Variants in CUL2 observed in about 807,000 individuals in gnomAD.
CUL2 encodes cullin 2.
CUL2 carries 22 observed loss-of-function variants against 110.2 expected under a neutral mutation model. That is an observed-to-expected ratio of 0.20 (90% CI 0.14 to 0.28). The LOEUF (loss-of-function observed/expected upper bound fraction) is 0.28, where lower values mean the gene tolerates loss of function less well. CUL2 is among the 10% of genes least tolerant of loss of function. The probability of loss-of-function intolerance (pLI) is 1.00; values close to 1 mark genes in which losing one functional copy is unlikely to be tolerated. For missense variants in CUL2, 631 were observed against 905.5 expected, an observed-to-expected ratio of 0.70 and a Z score of 3.89; for synonymous variants, 279 against 293.2, an observed-to-expected ratio of 0.95 and a Z score of 0.49.
At chr10:35,035,321 G>A (rs2085593230) in intron 9 of CUL2, 25 bp from the exon 10 acceptor site, 1 of 1,610,600 alleles carries the variant, frequency 6.2e-7, no homozygotes, top group African/African-American at 1.3e-5. Context: ...ACATCTGAGG[G>A]TTAACTCCCA....
At chr10:35,091,464 G>A (rs2087201924), upstream of CUL2, among the ~76,000 whole-genome samples, 2 of 152,082 alleles carry the variant, frequency 1.3e-5, no homozygotes, top group Admixed American at 1.3e-4. Flanking sequence ...CAATCCAACA[G>A]TATGTTTCCA....
intron 6 of CUL2, among the ~76,000 whole-genome samples, chr10:35,046,070 C>G (rs2085931160): frequency 6.6e-6 from 1 of 152,242 alleles, no homozygotes; most frequent in South Asian, 2.1e-4. Flanking sequence ...CTGAACCCCT[C>G]TAGTCCTCTT....
intron 17 of CUL2, among the ~76,000 whole-genome samples, chr10:35,018,268 C>CA (rs1554853380): frequency 1.0e-5 from 1 of 98,288 alleles, no homozygotes; most frequent in African/African-American, 4.2e-5. Flanking sequence ...GCCTGGGCAA[C>CA]AGAGCAAGAC....
intron 4 of CUL2, among the ~76,000 whole-genome samples, chr10:35,059,217 T>A (rs1020123601): frequency 1.3e-5 from 2 of 152,236 alleles, no homozygotes; most frequent in African/African-American, 4.8e-5. Flanking sequence ...GACTCCAATT[T>A]CGTAAGAATT....
intron 1 of CUL2, among the ~76,000 whole-genome samples, chr10:35,087,051 C>T (rs1230056895): frequency 6.6e-6 from 1 of 152,110 alleles, no homozygotes; most frequent in Non-Finnish European, 1.5e-5. Flanking sequence ...TCCCTACTGA[C>T]AATTTTATAT....
chr10:35,033,212 T>C lies in CUL2; in HGVS notation c.1064A>G (p.Asn355Ser), dbSNP rs773462627. 9.3e-6 allele frequency: 15 copies of C among 1,613,788 alleles called. No individual in the cohort carries two copies. The Middle Eastern group carries it at 5.0e-4, about 53-fold the overall frequency. Reference sequence around the variant, plus strand: ...ATGCTGATCACCATTCAAAACAGTGTTGATAAGCTGAACAAATTTACCATG... The same window carrying C: ...ATGCTGATCACCATTCAAAACAGTGCTGATAAGCTGAACAAATTTACCATG... ...EVHGKFVQLI[N>S]TVLNGDQHFM... The change falls in exon 11 of 21, where the codon AAC becomes AGC. Residue 355 changes from asparagine to serine, a missense_variant. Transcript: ENST00000374749.
chr10:35,125,306 G>A (rs957350855), intron 1 of CUL2, among the ~76,000 whole-genome samples: 2 of 152,202 alleles, frequency 1.3e-5, no homozygotes, highest in Non-Finnish European at 2.9e-5. Context: ...AATATGGTTT[G>A]TGCTTTCTGA....
intron 1 of CUL2, chr10:35,074,032 CTG>C (rs1339033411): frequency 1.4e-6 from 1 of 739,996 alleles, no homozygotes; most frequent in Admixed American, 2.0e-5. Context: ...CTCTAGGCTG[CTG>C]TGTGCAACCA....
At chr10:35,093,043 G>A (rs76042717), upstream of CUL2, among the ~76,000 whole-genome samples, 49 of 152,110 alleles carry the variant, frequency 3.2e-4, no homozygotes, top group African/African-American at 1.0e-3. Flanking sequence ...ACCTGGACTC[G>A]TGACTCATGA....
chr10:35,105,315 A>G (rs1288598007), intron 1 of CUL2, among the ~76,000 whole-genome samples: 2 of 147,144 alleles, frequency 1.4e-5, no homozygotes, highest in East Asian at 4.2e-4. Flanking sequence ...AGTCCCAGCT[A>G]CTCTGGAGGC....
chr10:35,049,062 TGACA>T (rs1464996248), intron 6 of CUL2, among the ~76,000 whole-genome samples: 1 of 152,208 alleles, frequency 6.6e-6, no homozygotes, highest in Non-Finnish European at 1.5e-5. Flanking sequence ...TTTGTGTGAC[TGACA>T]GAGTGCTTCT....
chr10:35,011,768 C>T, intron 20 of CUL2, 80 bp downstream of exon 20: 1 of 715,080 alleles, frequency 1.4e-6, no homozygotes, highest in South Asian at 1.9e-5. Context: ...TCTGTATCCT[C>T]TTTAAGAAGA....
At chr10:35,027,806 G>C (rs1258118809) in intron 16 of CUL2, among the ~76,000 whole-genome samples, 1 of 152,116 alleles carries the variant, frequency 6.6e-6, no homozygotes, top group Non-Finnish European at 1.5e-5. Flanking sequence ...GGAGAGAATA[G>C]TATTTTTGGA....
intron 2 of CUL2, among the ~76,000 whole-genome samples, chr10:35,069,918 C>T (rs754523246): frequency 6.6e-6 from 1 of 152,106 alleles, no homozygotes; most frequent in African/African-American, 2.4e-5. Context: ...GATTCTTGCC[C>T]CAAATCAATC....
intron 8 of CUL2, among the ~76,000 whole-genome samples, chr10:35,044,271 C>CT (rs747852318): frequency 6.6e-6 from 1 of 151,916 alleles, no homozygotes; most frequent in Non-Finnish European, 1.5e-5. Context: ...CCAGTATAAA[C>CT]TGATTATTCT....
chr10:35,019,402 A>G (rs544945281), intron 17 of CUL2, among the ~76,000 whole-genome samples: 1 of 152,220 alleles, frequency 6.6e-6, no homozygotes, highest in South Asian at 2.1e-4. Context: ...ACCAGGGATC[A>G]GGGGTACACT....
chr10:35,009,258 C>T lies in CUL2; in HGVS notation c.*1053G>A, dbSNP rs1442886848. 6.9e-6 allele frequency: 1 copy of T among 144,544 alleles called. No homozygotes were observed. Among genetic ancestry groups the T allele is most frequent in the East Asian group, 2.0e-4 (1 of 4,934 alleles). 9.0% of individuals were successfully genotyped at this position (144,544 alleles called of 1,614,324 possible). ...ATAATGGGATTTATATATGTGGCAC[C>T]CAGTACAATGTACAATTTTCTTTTT... On this transcript the variant is annotated 3_prime_UTR_variant, in exon 21 of 21. Transcript: ENST00000374749.
At chr10:35,016,038 C>CAAA (rs2085022930) in intron 18 of CUL2, among the ~76,000 whole-genome samples, 154 bp downstream of exon 18, 1 of 152,196 alleles carries the variant, frequency 6.6e-6, no homozygotes, top group South Asian at 2.1e-4. Context: ...GATGCCTTAA[C>CAAA]GCTCGCAGCT....
rs35508150 is a variant in CUL2 at position 35,027,143 on chromosome 10, C to CT, written c.1617+1666dup. ...ACATTAATATACACTACTTTAGATACTTTTTTTTTTTTTTTTTTTGAGGCG... is the reference window on the plus strand; with the variant it reads ...ACATTAATATACACTACTTTAGATACTTTTTTTTTTTTTTTTTTTTGAGGCG... On this transcript the variant is annotated intron_variant, in intron 16 of 20. Transcript: ENST00000374749. 3.2e-3 allele frequency among the ~76,000 whole-genome samples: 408 copies of CT among 127,576 alleles called. 1 individual carries two copies. Among genetic ancestry groups the CT allele is most frequent in the African/African-American group, 5.6e-3 (197 of 35,370 alleles). 83.7% of individuals were successfully genotyped at this position (127,576 alleles called of 152,430 possible). A position where few individuals can be genotyped will look rare whatever the true frequency, so the allele number is the denominator to read the frequency against.
Sources: allele counts gnomAD v4.1 joint callset (sites outside exome capture counted in the v4.1 genomes callset), GRCh38; gene constraint gnomAD v4.1.1; transcripts MANE v1.5; gene names NCBI Gene and HGNC (gene_info 2026-07-23, HGNC 2026-07-21).